The following PRELID2 variants were observed in gnomAD, a reference collection of about 807,000 sequenced individuals.
PRELID2 encodes PRELI domain containing 2, also known as PRELI domain-containing protein 2.
A neutral mutation model predicts 28.4 loss-of-function variants in PRELID2; 25 were observed. That is an observed-to-expected ratio of 0.88 (90% confidence interval 0.64 to 1.23). The LOEUF is 1.23. PRELID2 is among the 50% of genes most tolerant of loss of function. The pLI, the probability that PRELID2 is intolerant of heterozygous loss-of-function variation, is 0.00. For synonymous variants in PRELID2, 76 were observed against 71.6 expected, an observed-to-expected ratio of 1.06 and a Z score of -0.31; for missense variants, 201 against 214.4, an observed-to-expected ratio of 0.94 and a Z score of 0.39.
At chr5:145,363,116 GAAAA>G in the PRELID2 span, among the ~76,000 whole-genome samples, 2 of 84,136 alleles carry the variant, frequency 2.4e-5, no homozygotes, top group Admixed American at 2.6e-4. Context: ...ATGGCTATAA[GAAAA>G]AAAAAAAAAA....
intron 1 of PRELID2, among the ~76,000 whole-genome samples, chr5:145,683,492 G>C (rs373173310): frequency 1.3e-5 from 2 of 152,138 alleles, no homozygotes; most frequent in African/African-American, 4.8e-5. Flanking sequence ...AGGATGTTTG[G>C]TTTCTTCTGA....
the PRELID2 span, among the ~76,000 whole-genome samples, chr5:145,420,205 G>C: frequency 6.6e-6 from 1 of 152,132 alleles, no homozygotes; most frequent in African/African-American, 2.4e-5. Context: ...GATTGACTTG[G>C]CGATGCGGGC....
At chr5:145,400,555 T>C in the PRELID2 span, among the ~76,000 whole-genome samples, 1 of 152,116 alleles carries the variant, frequency 6.6e-6, no homozygotes, top group Non-Finnish European at 1.5e-5. Flanking sequence ...GAACACGATG[T>C]CGAATGACTA....
chr5:145,262,472 A>G, the PRELID2 span, among the ~76,000 whole-genome samples: 1 of 152,314 alleles, frequency 6.6e-6, no homozygotes, highest in East Asian at 1.9e-4. Context: ...AAAACCTATC[A>G]GATTAATAGC....
At position 145,507,354 on chromosome 5, in the gene PRELID2, G is replaced by T. The variant is rs926522926; in HGVS notation, n.71-34039C>A. Among the ~76,000 whole-genome samples the T allele has an allele frequency of 2.6e-5, 4 of 152,194 alleles. No homozygotes were observed. The East Asian group carries it at 7.7e-4, about 29-fold the overall frequency. ...ATCTATAAAATGGGGGGGAAAAACTGCAGATTTGGCCATAGGGATTAAACT... is the reference window on the plus strand; with the variant it reads ...ATCTATAAAATGGGGGGGAAAAACTTCAGATTTGGCCATAGGGATTAAACT... On this transcript the variant is annotated intron_variant and non_coding_transcript_variant, in intron 1 of 2. Coordinates refer to the PRELID2 transcript ENST00000510259.
downstream of PRELID2, among the ~76,000 whole-genome samples, chr5:145,468,024 G>A (rs6580374): frequency 4.6e-5 from 7 of 151,704 alleles, no homozygotes; most frequent in African/African-American, 1.5e-4. Flanking sequence ...TCATTAACTC[G>A]TCATTTACAT....
the PRELID2 span, among the ~76,000 whole-genome samples, chr5:145,295,770 C>T: frequency 6.6e-6 from 1 of 152,052 alleles, no homozygotes; most frequent in East Asian, 1.9e-4. Flanking sequence ...AGGCAGAGAC[C>T]TTGTTTATCT....
intron 1 of PRELID2, among the ~76,000 whole-genome samples, chr5:145,581,914 C>CT (rs1169428936): frequency 6.6e-6 from 1 of 152,026 alleles, no homozygotes; most frequent in Non-Finnish European, 1.5e-5. Context: ...TACCAGTTAT[C>CT]TTTTTTTGTT....
At chr5:145,830,069 C>A (rs887507828) in intron 1 of PRELID2, among the ~76,000 whole-genome samples, 4 of 152,144 alleles carry the variant, frequency 2.6e-5, no homozygotes, top group African/African-American at 9.7e-5. Flanking sequence ...TTCTGAATCC[C>A]ATACTGACTT....
At chr5:145,736,178 C>G (rs1756490479) in intron 1 of PRELID2, among the ~76,000 whole-genome samples, 1 of 152,162 alleles carries the variant, frequency 6.6e-6, no homozygotes, top group Non-Finnish European at 1.5e-5. Flanking sequence ...CTTTAATTCC[C>G]TCTTGCAATG....
intron 1 of PRELID2, among the ~76,000 whole-genome samples, chr5:145,638,761 G>T (rs1754046149): frequency 6.6e-6 from 1 of 152,168 alleles, no homozygotes; most frequent in Non-Finnish European, 1.5e-5. Flanking sequence ...TATGATCTCT[G>T]GCATCATCAT....
intron 1 of PRELID2, among the ~76,000 whole-genome samples, chr5:145,589,525 A>G (rs1753199708): frequency 6.6e-6 from 1 of 152,136 alleles, no homozygotes; most frequent in African/African-American, 2.4e-5. Context: ...TTTGTTTTCA[A>G]TAAACTATAT....
At chr5:145,426,616 GCATT>G in the PRELID2 span, among the ~76,000 whole-genome samples, 1 of 152,066 alleles carries the variant, frequency 6.6e-6, no homozygotes, top group African/African-American at 2.4e-5. Context: ...TAAGCTATTT[GCATT>G]CATTATTTAT....
At chr5:145,418,733 T>C in the PRELID2 span, among the ~76,000 whole-genome samples, 2 of 53,016 alleles carry the variant, frequency 3.8e-5, no homozygotes, top group East Asian at 6.6e-4. Context: ...CATATACAAA[T>C]TTTTTTTTAT....
At chr5:145,237,160 C>G in the PRELID2 span, among the ~76,000 whole-genome samples, 1 of 152,262 alleles carries the variant, frequency 6.6e-6, no homozygotes, top group South Asian at 2.1e-4. Context: ...TGCCATGCAG[C>G]AATGAGGAAT....
rs146686295 is a variant in PRELID2, at chr5:145,833,173, T to G, written c.75+2004A>C. Among the ~76,000 whole-genome samples, 624 of 152,234 alleles carry G rather than the reference T, an allele frequency of 4.1e-3. 6 individuals carry two copies. Among genetic ancestry groups the G allele is most frequent in the Middle Eastern group, 0.017 (5 of 294 alleles). On this transcript the variant is annotated intron_variant, in intron 1 of 6. Coordinates refer to ENST00000683046, the MANE Select transcript of PRELID2 (RefSeq NM_205846.3). The stretch of plus-strand genomic sequence containing the variant: ...GACAATGCGCCAGGACCTCCGTAAA[T>G]AAGAGTTTGGCATTGTGTTATGTGC...
chr5:145,257,296 ATATTT>A, the PRELID2 span, among the ~76,000 whole-genome samples: 1 of 150,288 alleles, frequency 6.7e-6, no homozygotes, highest in Non-Finnish European at 1.5e-5. Context: ...GTGAAGTAGA[ATATTT>A]TATGAAAGTA....
At chr5:145,428,416 A>T in the PRELID2 span, among the ~76,000 whole-genome samples, 3 of 152,168 alleles carry the variant, frequency 2.0e-5, no homozygotes, top group East Asian at 5.8e-4. Flanking sequence ...GGCTCTGGAG[A>T]TATTCAAGTA....
chr5:145,423,125 C>T, the PRELID2 span, among the ~76,000 whole-genome samples: 1 of 151,994 alleles, frequency 6.6e-6, no homozygotes, highest in African/African-American at 2.4e-5. Context: ...TGATGGGCTT[C>T]CCTGTGAGGG....
Sources: allele counts gnomAD v4.1 joint callset (sites outside exome capture counted in the v4.1 genomes callset), GRCh38; gene constraint gnomAD v4.1.1; transcripts MANE v1.5; gene names NCBI Gene and HGNC (gene_info 2026-07-23, HGNC 2026-07-21).